Variants in USP34 observed in about 807,000 individuals in gnomAD.
The protein encoded by USP34 is ubiquitin carboxyl-terminal hydrolase 34.
Under a neutral mutation model 460.3 loss-of-function variants are expected in USP34, and 70 were observed. The ratio of observed to expected loss-of-function variants is 0.15; its 90% confidence interval spans 0.13 to 0.19. The LOEUF (loss-of-function observed/expected upper bound fraction) is 0.19, where lower values mean the gene tolerates loss of function less well. Ranked by LOEUF, USP34 falls within the 10% of genes least tolerant of loss-of-function variation. The pLI, the probability that USP34 is intolerant of heterozygous loss-of-function variation, is 1.00. For synonymous variants in USP34, 1,647 were observed against 1,405.3 expected (o/e 1.17, Z -3.85); for missense variants, 3,985 against 4,236.2 (o/e 0.94, Z 1.65).
intron 67 of USP34, among the ~76,000 whole-genome samples, chr2:61,215,951 T>C (rs1687383575): frequency 6.6e-6 from 1 of 152,192 alleles, no homozygotes; most frequent in Admixed American, 6.5e-5. Flanking sequence ...ACATTCACTA[T>C]GGAACCTCCT....
intron 57 of USP34, among the ~76,000 whole-genome samples, chr2:61,232,781 TAATAA>T (rs1369403577): frequency 1.3e-5 from 2 of 150,182 alleles, no homozygotes; most frequent in African/African-American, 4.9e-5. Flanking sequence ...TCCTTTATCA[TAATAA>T]AATATCATTC....
At chr2:61,279,648 T>C (rs1324321304) in intron 39 of USP34, among the ~76,000 whole-genome samples, 1 of 152,126 alleles carries the variant, frequency 6.6e-6, no homozygotes, top group Non-Finnish European at 1.5e-5. Context: ...GCATTTTTAG[T>C]AGAGATGGGG....
chr2:61,384,305 A>G (rs946544685), intron 5 of USP34, among the ~76,000 whole-genome samples: 1 of 152,216 alleles, frequency 6.6e-6, no homozygotes, highest in African/African-American at 2.4e-5. Context: ...AATAGTAAGA[A>G]TAAAAATCCT....
In USP34 at chr2:61,459,922, C is replaced by T. The variant is rs549285938; in HGVS notation, c.43+10728G>A. Among the ~76,000 whole-genome samples the T allele has an allele frequency of 1.8e-3, 269 of 152,244 alleles. 3 individuals are homozygous for T. The highest frequency in any genetic ancestry group is 2.6e-3 in the Non-Finnish European group (180 of 68,014). ...TAAAAATACAAAAAAATTAGCTGGA[C>T]ATGGTGGCGGACGCCTGTAGTCCCA... On this transcript the variant is annotated intron_variant, in intron 1 of 79. Coordinates refer to ENST00000398571, the MANE Select transcript of USP34 (RefSeq NM_014709.4).
chr2:61,449,666 T>C (rs910674906), intron 1 of USP34, among the ~76,000 whole-genome samples: 2 of 152,130 alleles, frequency 1.3e-5, no homozygotes, highest in African/African-American at 4.8e-5. Context: ...AAACCCTATA[T>C]ATGTACAGGC....
chr2:61,333,308 TC>T (rs1691325316), intron 19 of USP34, among the ~76,000 whole-genome samples: 1 of 152,098 alleles, frequency 6.6e-6, no homozygotes, highest in African/African-American at 2.4e-5. Flanking sequence ...TCAAATTTTT[TC>T]AGATTCCGTA....
At position 61,187,979 on chromosome 2, in the gene USP34, A is replaced by C; in HGVS notation, c.*123T>G. ...GACCAAGAATTAAGCCTATAAATCT[A>C]TCTTGCCATTCAAGCAGAGAGCACT... is the stretch of plus-strand genomic sequence containing the variant. On this transcript the variant is annotated 3_prime_UTR_variant, in exon 80 of 80. Transcript: ENST00000398571. 1 of 1,467,140 alleles carries C rather than the reference A, an allele frequency of 6.8e-7. No individual in the cohort carries two copies. Among genetic ancestry groups the C allele is most frequent in the South Asian group, 1.5e-5 (1 of 66,364 alleles). 90.9% of individuals were successfully genotyped at this position (1,467,140 alleles called of 1,614,324 possible). A position where few individuals can be genotyped will look rare whatever the true frequency, so the allele number is the denominator to read the frequency against.
chr2:61,346,527 TAAAAAAAAAA>T (rs926076478), intron 15 of USP34, among the ~76,000 whole-genome samples: 5 of 44,270 alleles, frequency 1.1e-4, no homozygotes, highest in South Asian at 9.2e-4. Flanking sequence ...CCCTATCTCT[TAAAAAAAAAA>T]AAAAAAAAAA....
chr2:61,353,292 T>C (rs952468372), intron 10 of USP34, among the ~76,000 whole-genome samples: 1 of 152,054 alleles, frequency 6.6e-6, no homozygotes, highest in Non-Finnish European at 1.5e-5. Flanking sequence ...CTAGAGGTCT[T>C]AGAGTTGTAC....
intron 27 of USP34, among the ~76,000 whole-genome samples, chr2:61,304,886 C>G (rs990263072): frequency 3.9e-5 from 6 of 152,070 alleles, no homozygotes; most frequent in African/African-American, 1.4e-4. Context: ...TATTCTTTAT[C>G]AGTTCTAAAT....
At chr2:61,278,327 CATAATT>C in intron 40 of USP34, 42 bp from the exon 41 acceptor site, 1 of 1,609,930 alleles carries the variant, frequency 6.2e-7, no homozygotes, top group Non-Finnish European at 8.5e-7. Context: ...AGATAGTTCA[CATAATT>C]ATGTCTTTTA....
intron 25 of USP34, among the ~76,000 whole-genome samples, chr2:61,312,460 CA>C (rs1690623318): frequency 6.7e-6 from 1 of 148,512 alleles, no homozygotes; most frequent in Non-Finnish European, 1.5e-5. Context: ...AAACACGTGT[CA>C]ATTTTCTAAT....
intron 65 of USP34, among the ~76,000 whole-genome samples, chr2:61,222,141 C>T (rs1687605659): frequency 6.6e-6 from 1 of 152,162 alleles, no homozygotes; most frequent in Non-Finnish European, 1.5e-5. Flanking sequence ...CAACTGTGTT[C>T]TATTGAAAAA....
At chr2:61,420,674 T>C (rs1694328828) in intron 2 of USP34, 72 bp downstream of exon 2, 1 of 1,091,914 alleles carries the variant, frequency 9.2e-7, no homozygotes, top group African/African-American at 1.6e-5. Context: ...AAAAAGAAAA[T>C]GTGACAATAA....
At chr2:61,198,307 A>G (rs1686867630) in intron 75 of USP34, among the ~76,000 whole-genome samples, 1 of 152,210 alleles carries the variant, frequency 6.6e-6, no homozygotes, top group Non-Finnish European at 1.5e-5. Flanking sequence ...AATTCAATGA[A>G]CATGCCTGTC....
Position 61,222,615 on chromosome 2 carries a change from A to G in USP34, c.7794+4T>C. On this transcript the variant is annotated splice_donor_region_variant and intron_variant, in intron 65 of 79. Coordinates refer to ENST00000398571, the MANE Select transcript of USP34 (RefSeq NM_014709.4). ...AAAACATAAATTAACAAATGTTTAC[A>G]TACCTCAGGAGTCAACTTTGCTATT... is the stretch of plus-strand genomic sequence containing the variant. 1 of 1,609,920 alleles carries G rather than the reference A, an allele frequency of 6.2e-7. No homozygotes were observed. Among genetic ancestry groups the G allele is most frequent in the East Asian group, 2.2e-5 (1 of 44,806 alleles).
chr2:61,328,290 A>G (rs1160328123), intron 20 of USP34, among the ~76,000 whole-genome samples: 10 of 150,986 alleles, frequency 6.6e-5, no homozygotes, highest in Admixed American at 5.3e-4. Context: ...CAAAAGAGCA[A>G]AAACTCCGTC....
chr2:61,314,575 TA>T lies in USP34; in HGVS notation c.3542+9del. 6.8e-7 allele frequency: 1 copy of T among 1,472,862 alleles called. No individual in the cohort carries two copies. The highest frequency in any genetic ancestry group is 1.6e-5 in the South Asian group (1 of 63,668). 91.2% of individuals were successfully genotyped at this position (1,472,862 alleles called of 1,614,324 possible). A position where few individuals can be genotyped will look rare whatever the true frequency, so the allele number is the denominator to read the frequency against. ...AATTCATTCTAACAGTGTGATATTT[TA>T]AAAATTACCTTCTCCTAAACGCTTC... is the stretch of plus-strand genomic sequence containing the variant. On this transcript the variant is annotated intron_variant, in intron 25 of 79. Coordinates refer to ENST00000398571, the MANE Select transcript of USP34 (RefSeq NM_014709.4).
At chr2:61,387,839 G>A (rs947862927) in intron 5 of USP34, among the ~76,000 whole-genome samples, 10 of 139,664 alleles carry the variant, frequency 7.2e-5, no homozygotes, top group Non-Finnish European at 1.2e-4. Flanking sequence ...ATATTTTTAC[G>A]TATACACACA....
Sources: gnomAD v4.1 joint callset for allele counts (sites outside exome capture counted in the v4.1 genomes callset) on GRCh38, gnomAD v4.1.1 for gene constraint, MANE v1.5 for transcripts, NCBI Gene and HGNC (gene_info 2026-07-23, HGNC 2026-07-21) for gene names.